Variants in MYO7B observed in about 807,000 individuals in gnomAD.
MYO7B encodes unconventional myosin-VIIb.
In MYO7B, 212 loss-of-function variants were observed where a neutral mutation model predicts 259.7. The ratio of observed to expected loss-of-function variants is 0.82; its 90% CI spans 0.73 to 0.91. The LOEUF is 0.91. Ranked by LOEUF, MYO7B falls within the 40% of genes least tolerant of loss-of-function variation. The pLI is 0.00. For synonymous variants in MYO7B, 1,197 were observed against 1,166.4 expected, an observed-to-expected ratio of 1.03 and a Z score of -0.54; for missense variants, 2,732 against 2,813.5, an observed-to-expected ratio of 0.97 and a Z score of 0.66.
chr2:127,565,341 A>G lies in MYO7B; in HGVS notation c.241A>G (p.Met81Val), dbSNP rs1334052216. ...CCTGGGGGACCTGAACGAGGCAGGC[A>G]TGGTGCACAACCTCCTGATCCGCTA... Reference protein sequence around the residue: ...IRLGDLNEAGMVHNLLIRYQQ... With the variant: ...IRLGDLNEAGVVHNLLIRYQQ... Residue 81 changes from methionine to valine, a missense_variant, in exon 4 of 48, where the codon ATG becomes GTG. Around this residue, in one of 3 missense-constraint regions of MYO7B, gnomAD observed 1,906 missense variants for 2,026.4 expected, o/e 0.94. Coordinates refer to ENST00000409816, the MANE Select transcript of MYO7B (RefSeq NM_001393586.1). 5 of 1,614,026 alleles carry G rather than the reference A, an allele frequency of 3.1e-6. No individual in the cohort carries two copies. The highest frequency in any genetic ancestry group is 1.1e-5 in the South Asian group (1 of 91,088).
rs771818268 is a variant in MYO7B at position 127,608,762 on chromosome 2, A to ATT, written c.2698_2699insTT (p.Lys900IlefsTer27). 3.1e-6 allele frequency: 5 copies of ATT among 1,613,486 alleles called. No homozygotes were observed. Among genetic ancestry groups the ATT allele is most frequent in the Non-Finnish European group, 3.4e-6 (4 of 1,179,780 alleles). ...GAAAAGCCAAGGCGCTCTCCCTGCCAAGAAGCGCAGATCCATCTACGACAC... is the reference window on the plus strand; with the variant it reads ...GAAAAGCCAAGGCGCTCTCCCTGCCATTAGAAGCGCAGATCCATCTACGACAC... On this transcript the variant is annotated frameshift_variant, in exon 22 of 48. Transcript: ENST00000409816. LOFTEE classifies it high-confidence loss of function.
At chr2:127,562,589 G>A (rs1261588327) in intron 2 of MYO7B, among the ~76,000 whole-genome samples, 2 of 144,892 alleles carry the variant, frequency 1.4e-5, no homozygotes, top group East Asian at 4.3e-4. Context: ...CCGGGTTCAA[G>A]CAATTCTCCT....
chr2:127,627,168 C>G lies in MYO7B; in HGVS notation c.4334-16C>G. 1.2e-6 allele frequency: 2 copies of G among 1,604,932 alleles called. No individual in the cohort carries two copies. Among genetic ancestry groups the G allele is most frequent in the Non-Finnish European group, 1.7e-6 (2 of 1,175,986 alleles). The stretch of plus-strand genomic sequence containing the variant: ...GGGTCCCATGCAGCCTTCACACTGC[C>G]GTCTCTCCTGGCCAGGCCCCCGCCT... On this transcript the variant is annotated splice_polypyrimidine_tract_variant and intron_variant, in intron 32 of 47. Transcript: ENST00000409816. The surrounding 1 kb of genome is among the most constrained non-coding windows in gnomAD (Gnocchi z 5.6).
chr2:127,592,022 A>G (rs1679577035), intron 16 of MYO7B, among the ~76,000 whole-genome samples: 1 of 152,208 alleles, frequency 6.6e-6, no homozygotes, highest in Non-Finnish European at 1.5e-5. Context: ...AACTATTGTG[A>G]GGGAGGCACC....
Position 127,632,358 on chromosome 2 carries a change from C to G in MYO7B, c.5362C>G (p.Leu1788Val). 2 of 1,594,224 alleles carry G rather than the reference C, an allele frequency of 1.3e-6. No individual in the cohort carries two copies. The highest frequency in any genetic ancestry group is 8.5e-7 in the Non-Finnish European group (1 of 1,169,892). ...QKFIDTRRGK[L>V]LAPDCSRRIQ... Reference sequence around the variant, plus strand: ...GTTTATAGACACTCGGAGGGGGAAGCTGCTGGCCCCCGACTGCAGCCGCCG... The same window carrying G: ...GTTTATAGACACTCGGAGGGGGAAGGTGCTGGCCCCCGACTGCAGCCGCCG... Residue 1788 changes from leucine to valine, a missense_variant, in exon 39 of 48, where the codon CTG becomes GTG. By Grantham distance (32) the Leu-to-Val change is conservative. Around this residue, in one of 3 missense-constraint regions of MYO7B, gnomAD observed 821 missense variants for 769.3 expected, o/e 1.07. Coordinates refer to ENST00000409816, the MANE Select transcript of MYO7B (RefSeq NM_001393586.1).
chr2:127,617,284 C>T (rs985740169), intron 26 of MYO7B, among the ~76,000 whole-genome samples: 1 of 152,144 alleles, frequency 6.6e-6, no homozygotes, highest in Non-Finnish European at 1.5e-5. Flanking sequence ...TCGATAGGTG[C>T]TGTAGGTGGG....
chr2:127,614,414 C>T lies in MYO7B; in HGVS notation c.3398+1811C>T, dbSNP rs1311896928. ...CAGCAGGAAGCTCATGCCTGCCCAACCATACAGTACATGTACAGCTCCCAT... is the reference window on the plus strand; with the variant it reads ...CAGCAGGAAGCTCATGCCTGCCCAATCATACAGTACATGTACAGCTCCCAT... On this transcript the variant is annotated intron_variant, in intron 26 of 47. Coordinates refer to ENST00000409816, the MANE Select transcript of MYO7B (RefSeq NM_001393586.1). This position sits in a 1 kb window ranked among gnomAD's most constrained non-coding sequence, Gnocchi z 4.6. 6.6e-6 allele frequency among the ~76,000 whole-genome samples: 1 copy of T among 152,146 alleles called. No individual in the cohort carries two copies. Among genetic ancestry groups the T allele is most frequent in the Non-Finnish European group, 1.5e-5 (1 of 68,030 alleles).
rs752421597 is a variant in MYO7B, at chr2:127,607,327, G to A, written c.2546G>A (p.Arg849His). Residue 849 changes from arginine to histidine, a missense_variant, in exon 21 of 48, where the codon CGC (arginine) becomes CAC (histidine). Arg to His is a conservative substitution (Grantham distance 29, BLOSUM62 0). Transcript: ENST00000409816. This position sits in a 1 kb window ranked among gnomAD's most constrained non-coding sequence, Gnocchi z 4.4. The part of the protein sequence containing the change: ...LQALCRGYLV[R>H]QQVQAKRRAV... ...GCCCTGTGCAGGGGATACCTGGTGC[G>A]CCAGCAAGTCCAGGCCAAGAGGAGG... is the stretch of plus-strand genomic sequence containing the variant. 44 of 1,551,280 alleles carry A rather than the reference G, an allele frequency of 2.8e-5. No individual in the cohort carries two copies. The highest frequency in any genetic ancestry group is 5.9e-5 in the South Asian group (5 of 84,066).
rs895420003 is a variant in MYO7B at position 127,586,829 on chromosome 2, C to T, written c.1691-1563C>T. On this transcript the variant is annotated intron_variant, in intron 14 of 47. Coordinates refer to ENST00000409816, the MANE Select transcript of MYO7B (RefSeq NM_001393586.1). This position sits in a 1 kb window ranked among gnomAD's most constrained non-coding sequence, Gnocchi z 4.8. ...TACTCTGCCTGTTGGGAGACTGAACCCAGGAGTGTCTCAACCCTCCCCACC... is the reference window on the plus strand; with the variant it reads ...TACTCTGCCTGTTGGGAGACTGAACTCAGGAGTGTCTCAACCCTCCCCACC... Among the ~76,000 whole-genome samples, 4 of 152,050 alleles carry T rather than the reference C, an allele frequency of 2.6e-5. No homozygotes were observed. Among genetic ancestry groups the T allele is most frequent in the African/African-American group, 9.7e-5 (4 of 41,370 alleles).
At chr2:127,591,422 T>G (rs968285074) in intron 16 of MYO7B, among the ~76,000 whole-genome samples, 12 of 152,166 alleles carry the variant, frequency 7.9e-5, no homozygotes, top group African/African-American at 2.9e-4. Flanking sequence ...GGCTGGGATA[T>G]CTCTCATTGG....
intron 19 of MYO7B, among the ~76,000 whole-genome samples, chr2:127,600,913 A>G (rs1679944440): frequency 3.3e-5 from 5 of 152,186 alleles, no homozygotes; most frequent in Admixed American, 2.6e-4. Context: ...TTAGATTATT[A>G]ATTCAAGGCT....
rs770703079 is a variant in MYO7B at position 127,576,825 on chromosome 2, C to T, written c.849+117C>T. 49 of 694,914 alleles carry T rather than the reference C, an allele frequency of 7.1e-5. No individual in the cohort carries two copies. The highest frequency in any genetic ancestry group is 3.7e-5 in the Non-Finnish European group (16 of 428,104). The allele number at this position is 694,914 out of a possible 1,614,324, so 43.0% of individuals were successfully genotyped here. A position where few individuals can be genotyped will look rare whatever the true frequency, so the allele number is the denominator to read the frequency against. On this transcript the variant is annotated intron_variant, in intron 8 of 47. Transcript: ENST00000409816. The surrounding 1 kb of genome is among the most constrained non-coding windows in gnomAD (Gnocchi z 4.9). The stretch of plus-strand genomic sequence containing the variant: ...CCCAACGCTGGCCGGGCCCCTGAGG[C>T]GGGGCTGGTTCCCTTTGCCTCTCCT...
chr2:127,608,601 T>C (rs183166210), intron 21 of MYO7B, 107 bp from the exon 22 acceptor site: 10 of 1,211,448 alleles, frequency 8.3e-6, no homozygotes, highest in Middle Eastern at 2.9e-4. Context: ...GATGGCAGGA[T>C]GAGGCTTACT....
intron 1 of MYO7B, among the ~76,000 whole-genome samples, chr2:127,540,511 G>A (rs988755613): frequency 2.3e-4 from 35 of 152,142 alleles, no homozygotes; most frequent in Admixed American, 1.3e-4. Context: ...TGGATCTAAC[G>A]GTAGGTTTAA....
intron 35 of MYO7B, 34 bp downstream of exon 35, chr2:127,629,860 T>C (rs376772358): frequency 2.0e-6 from 3 of 1,522,432 alleles, no homozygotes; most frequent in Non-Finnish European, 2.6e-6. Flanking sequence ...TCAGCCTGGG[T>C]ACCCGAGGTC....
chr2:127,563,701 C>T (rs1049672411), intron 2 of MYO7B, among the ~76,000 whole-genome samples: 1 of 152,198 alleles, frequency 6.6e-6, no homozygotes, highest in African/African-American at 2.4e-5. Flanking sequence ...GCCACCTTTT[C>T]AGCTTCCTCC....
intron 7 of MYO7B, 69 bp downstream of exon 7, chr2:127,574,131 C>A: frequency 1.3e-6 from 2 of 1,581,242 alleles, no homozygotes; most frequent in East Asian, 2.2e-5. Flanking sequence ...GGCCCCTTTC[C>A]CACTCTCACC....
chr2:127,594,666 G>GT (rs34772796), intron 18 of MYO7B, among the ~76,000 whole-genome samples: 20 of 152,124 alleles, frequency 1.3e-4, no homozygotes, highest in South Asian at 6.2e-4. Context: ...TTTATTGAGA[G>GT]TTTTTTTTAA....
In MYO7B at chr2:127,628,404, C is replaced by T; in HGVS notation, c.4493C>T (p.Ser1498Phe). The change falls in exon 34 of 48, where the codon TCC (serine) becomes TTC (phenylalanine). Residue 1498 changes from serine (S) to phenylalanine (F), a missense_variant. Ser to Phe is a radical substitution (Grantham distance 155). This residue lies in a region of MYO7B where 1,906 missense variants were observed against 2,026.4 expected (regional missense o/e 0.94). Transcript: ENST00000409816. The surrounding 1 kb of genome is among the most constrained non-coding windows in gnomAD (Gnocchi z 4.8). ...EAQGGQRLLL[S>F]TMHEEYEFVS... Reference sequence around the variant, plus strand: ...CAGGGCGGGCAGAGGCTGCTGCTCTCCACGATGCATGAGGAGTACGAGTTT... The same window carrying T: ...CAGGGCGGGCAGAGGCTGCTGCTCTTCACGATGCATGAGGAGTACGAGTTT... 1 of 1,601,264 alleles carries T rather than the reference C, an allele frequency of 6.2e-7. No homozygotes were observed. The highest frequency in any genetic ancestry group is 8.5e-7 in the Non-Finnish European group (1 of 1,175,892).
Sources: gnomAD v4.1 joint callset for allele counts (sites outside exome capture counted in the v4.1 genomes callset) on GRCh38, gnomAD v4.1.1 for gene constraint, gnomAD v4.1.1 regional missense constraint, Gnocchi (gnomAD v3.1) non-coding constraint, MANE v1.5 for transcripts, NCBI Gene and HGNC (gene_info 2026-07-23, HGNC 2026-07-21) for gene names.